Variants in LINGO2 observed in about 807,000 individuals in gnomAD.
LINGO2 encodes the protein leucine rich repeat and Ig domain containing 2.
In LINGO2, 14 loss-of-function variants were observed where a neutral mutation model predicts 30.6. The observed-to-expected ratio is 0.46, with a 90% CI of 0.30 to 0.72. The LOEUF (loss-of-function observed/expected upper bound fraction) is 0.72, where lower values mean the gene tolerates loss of function less well. LINGO2 is among the 30% of genes least tolerant of loss of function. The probability of loss-of-function intolerance (pLI) is 0.07; values close to 1 mark genes in which losing one functional copy is unlikely to be tolerated. For missense variants in LINGO2, 729 were observed against 751.7 expected, an observed-to-expected ratio of 0.97 and a Z score of 0.35; for synonymous variants, 317 against 288.5, an observed-to-expected ratio of 1.10 and a Z score of -1.00.
At chr9:29,073,167 T>C in the LINGO2 span, among the ~76,000 whole-genome samples, 1 of 152,128 alleles carries the variant, frequency 6.6e-6, no homozygotes, top group Non-Finnish European at 1.5e-5. Flanking sequence ...AAAAAATATA[T>C]GTATATATAC....
intron 2 of LINGO2, among the ~76,000 whole-genome samples, chr9:28,441,587 G>A (rs1249442044): frequency 6.6e-6 from 1 of 152,042 alleles, no homozygotes; most frequent in African/African-American, 2.4e-5. Flanking sequence ...CAGTTGTCTA[G>A]GCATTACACA....
intron 4 of LINGO2, among the ~76,000 whole-genome samples, chr9:28,293,201 AG>A (rs1823800077): frequency 6.6e-6 from 1 of 152,000 alleles, no homozygotes; most frequent in Non-Finnish European, 1.5e-5. Context: ...GGGCTCAAGC[AG>A]TCCTCCCACC....
At chr9:28,428,986 A>T (rs976508831) in intron 2 of LINGO2, among the ~76,000 whole-genome samples, 5 of 152,188 alleles carry the variant, frequency 3.3e-5, no homozygotes, top group African/African-American at 1.2e-4. Context: ...CTTTATCTTG[A>T]CTTAAGAATC....
At chr9:28,563,698 T>G (rs1017573483) in intron 1 of LINGO2, among the ~76,000 whole-genome samples, 3 of 152,172 alleles carry the variant, frequency 2.0e-5, no homozygotes, top group African/African-American at 7.2e-5. Context: ...TCAGATTCCC[T>G]GGCATAAGTC....
At chr9:29,185,800 A>G in the LINGO2 span, among the ~76,000 whole-genome samples, 1 of 152,216 alleles carries the variant, frequency 6.6e-6, no homozygotes, top group East Asian at 1.9e-4. Context: ...GACTTGCAGC[A>G]TTTCCAAACA....
At chr9:27,950,452 G>C (rs757750922) in exon 6 of LINGO2, 2 of 1,610,944 alleles carry the variant, frequency 1.2e-6, no homozygotes, top group African/African-American at 2.7e-5. Context: ...AATTCTTCAG[G>C]GTTGACGCTT....
chr9:28,990,208 C>T, the LINGO2 span, among the ~76,000 whole-genome samples: 1 of 152,226 alleles, frequency 6.6e-6, no homozygotes, highest in Non-Finnish European at 1.5e-5. Flanking sequence ...TTATATCCCG[C>T]ATCCGGCTCG....
At chr9:29,189,084 C>T in the LINGO2 span, among the ~76,000 whole-genome samples, 8 of 77,656 alleles carry the variant, frequency 1.0e-4, no homozygotes, top group African/African-American at 2.6e-4. Context: ...CCATCCCGGA[C>T]GGGGCGGCTG....
chr9:28,779,514 A>T, the LINGO2 span, among the ~76,000 whole-genome samples: 683 of 152,288 alleles, frequency 4.5e-3, 4 homozygotes, highest in African/African-American at 0.016. Context: ...AATATGAATC[A>T]CTTCTGAAAG....
the LINGO2 span, among the ~76,000 whole-genome samples, chr9:29,118,249 C>CGTAA: frequency 6.6e-6 from 1 of 152,028 alleles, no homozygotes; most frequent in South Asian, 2.1e-4. Context: ...CCTCACTTAC[C>CGTAA]CTCTCATTTG....
At chr9:28,986,553 C>T in the LINGO2 span, among the ~76,000 whole-genome samples, 2 of 151,942 alleles carry the variant, frequency 1.3e-5, no homozygotes, top group African/African-American at 4.8e-5. Flanking sequence ...TTTCTTTCAT[C>T]AATGTTTTAT....
chr9:28,749,550 G>A, the LINGO2 span, among the ~76,000 whole-genome samples: 1 of 151,892 alleles, frequency 6.6e-6, no homozygotes, highest in Non-Finnish European at 1.5e-5. Context: ...ATAGCTTATT[G>A]GGTTTGTCAA....
At chr9:28,328,751 A>G (rs1230803242) in intron 3 of LINGO2, among the ~76,000 whole-genome samples, 5 of 152,142 alleles carry the variant, frequency 3.3e-5, no homozygotes, top group Admixed American at 2.0e-4. Context: ...ATATAATCCA[A>G]TGGAACTCAA....
At chr9:28,758,441 A>G in the LINGO2 span, among the ~76,000 whole-genome samples, 1 of 152,092 alleles carries the variant, frequency 6.6e-6, no homozygotes, top group Non-Finnish European at 1.5e-5. Context: ...TGACTTGTGA[A>G]AAAAAGTTCC....
chr9:29,137,011 G>GAACTAAAA, the LINGO2 span, among the ~76,000 whole-genome samples: 1 of 152,048 alleles, frequency 6.6e-6, no homozygotes, highest in Non-Finnish European at 1.5e-5. Flanking sequence ...ATCTCTCATT[G>GAACTAAAA]TCTAGTCCAA....
the LINGO2 span, among the ~76,000 whole-genome samples, chr9:28,934,555 A>G: frequency 6.6e-6 from 1 of 152,196 alleles, no homozygotes; most frequent in East Asian, 1.9e-4. Flanking sequence ...GCAGTAAAGG[A>G]AATACTTTCA....
At chr9:28,662,511 T>C (rs1004651945) in intron 1 of LINGO2, among the ~76,000 whole-genome samples, 1 of 152,198 alleles carries the variant, frequency 6.6e-6, no homozygotes, top group Non-Finnish European at 1.5e-5. Context: ...TTTATTCTGC[T>C]GTGACCACAT....
chr9:28,333,634 A>C (rs2134355422), intron 3 of LINGO2, among the ~76,000 whole-genome samples: 1 of 152,276 alleles, frequency 6.6e-6, no homozygotes, highest in African/African-American at 2.4e-5. Context: ...GTCAATCCTC[A>C]AGTGTGCATA....
chr9:28,002,653 A>C (rs372302537), intron 5 of LINGO2, among the ~76,000 whole-genome samples: 1 of 152,164 alleles, frequency 6.6e-6, no homozygotes, highest in Non-Finnish European at 1.5e-5. Flanking sequence ...AACAAAGCCA[A>C]TGTATATGGA....
Sources: gnomAD v4.1 joint callset for allele counts (sites outside exome capture counted in the v4.1 genomes callset) on GRCh38, gnomAD v4.1.1 for gene constraint, MANE v1.5 for transcripts, NCBI Gene and HGNC (gene_info 2026-07-23, HGNC 2026-07-21) for gene names.